ATG10: variants seen among roughly 807,000 people sequenced by gnomAD.
ATG10 encodes ubiquitin-like-conjugating enzyme ATG10.
Under a neutral mutation model 32.1 loss-of-function variants are expected in ATG10, and 30 were observed. The ratio of observed to expected loss-of-function variants is 0.94; its 90% CI spans 0.70 to 1.27. The LOEUF is 1.27. Ranked by LOEUF, ATG10 falls within the 50% of genes most tolerant of loss-of-function variation. The probability of loss-of-function intolerance (pLI) is 0.00; values close to 1 mark genes in which losing one functional copy is unlikely to be tolerated. For synonymous variants in ATG10, 87 were observed against 91.5 expected, an observed-to-expected ratio of 0.95 and a Z score of 0.28; for missense variants, 233 against 262.3, an observed-to-expected ratio of 0.89 and a Z score of 0.77.
intron 5 of ATG10, among the ~76,000 whole-genome samples, chr5:82,238,078 G>A (rs1263585721): frequency 3.3e-5 from 5 of 152,254 alleles, no homozygotes; most frequent in Non-Finnish European, 7.4e-5. Flanking sequence ...CTCAGGCCTG[G>A]GCCACCTCTG....
intron 3 of ATG10, among the ~76,000 whole-genome samples, chr5:82,161,608 C>T (rs945292771): frequency 1.3e-5 from 2 of 151,622 alleles, no homozygotes; most frequent in Admixed American, 1.3e-4. Context: ...AAATTAATGA[C>T]CCAAATCCTT....
chr5:81,980,887 A>G (rs1043680425), intron 1 of ATG10, among the ~76,000 whole-genome samples: 1 of 152,164 alleles, frequency 6.6e-6, no homozygotes, highest in Non-Finnish European at 1.5e-5. Flanking sequence ...TCTGAAGGGA[A>G]TGGGAGAGAG....
At chr5:82,117,883 A>C (rs1765872109) in intron 3 of ATG10, among the ~76,000 whole-genome samples, 1 of 152,094 alleles carries the variant, frequency 6.6e-6, no homozygotes, top group African/African-American at 2.4e-5. Context: ...CTTCAGGCCA[A>C]ATGGGGCCTT....
At chr5:82,143,368 T>C (rs1446841868) in intron 3 of ATG10, among the ~76,000 whole-genome samples, 1 of 152,008 alleles carries the variant, frequency 6.6e-6, no homozygotes, top group Non-Finnish European at 1.5e-5. Flanking sequence ...GTCGTTAGAG[T>C]CATGGGAGGA....
chr5:82,196,965 C>T (rs1029261426), intron 5 of ATG10, among the ~76,000 whole-genome samples: 17 of 152,280 alleles, frequency 1.1e-4, no homozygotes, highest in African/African-American at 4.1e-4. Context: ...TGCACTGGAG[C>T]TATACTTCAA....
chr5:82,138,494 C>T (rs1766865835), intron 3 of ATG10, among the ~76,000 whole-genome samples: 1 of 152,124 alleles, frequency 6.6e-6, no homozygotes, highest in Non-Finnish European at 1.5e-5. Context: ...TTCCCCAACC[C>T]CTTGTGCTTC....
intron 5 of ATG10, among the ~76,000 whole-genome samples, chr5:82,230,907 G>C (rs1746343237): frequency 6.6e-6 from 1 of 152,056 alleles, no homozygotes; most frequent in Non-Finnish European, 1.5e-5. Flanking sequence ...ATGTCAACAG[G>C]TAAGAGGAAT....
At chr5:82,092,654 A>G (rs1031154405) in intron 3 of ATG10, among the ~76,000 whole-genome samples, 3 of 152,174 alleles carry the variant, frequency 2.0e-5, no homozygotes, top group African/African-American at 7.2e-5. Context: ...ACTGGGTCCC[A>G]TGAGACTGAA....
chr5:82,125,500 A>G (rs1002963230), intron 3 of ATG10, among the ~76,000 whole-genome samples: 28 of 152,198 alleles, frequency 1.8e-4, no homozygotes, highest in African/African-American at 6.3e-4. Flanking sequence ...ATGGCTAGCC[A>G]GTTTTCCCAA....
In ATG10 at chr5:81,987,732, T is replaced by C. The variant is rs1181782969; in HGVS notation, c.108+54T>C. On this transcript the variant is annotated intron_variant, in intron 2 of 7. Coordinates refer to ENST00000282185, the MANE Select transcript of ATG10 (RefSeq NM_031482.5). The stretch of plus-strand genomic sequence containing the variant: ...TCAAAAGAGGATTTTTTGTTTTGTT[T>C]TGTTTTGGTTTGTTGACAGGTAAAA... 6 of 1,411,476 alleles carry C rather than the reference T, an allele frequency of 4.3e-6. No individual in the cohort carries two copies. The African/African-American group carries it at 8.6e-5, about 20-fold the overall frequency. 87.4% of individuals were successfully genotyped at this position (1,411,476 alleles called of 1,614,324 possible).
chr5:82,025,864 A>T (rs1762579583), intron 2 of ATG10, among the ~76,000 whole-genome samples: 1 of 152,182 alleles, frequency 6.6e-6, no homozygotes, highest in Non-Finnish European at 1.5e-5. Flanking sequence ...TTGATTACAC[A>T]TTTCTGATAA....
At chr5:82,075,799 G>A (rs765926858) in intron 3 of ATG10, among the ~76,000 whole-genome samples, 8 of 152,080 alleles carry the variant, frequency 5.3e-5, no homozygotes, top group Non-Finnish European at 1.2e-4. Flanking sequence ...GCCAGGTGTG[G>A]TGGTGTGCAC....
chr5:82,131,427 G>A lies in ATG10; in HGVS notation c.217-32972G>A, dbSNP rs999252287. On this transcript the variant is annotated intron_variant, in intron 3 of 7. Coordinates refer to ENST00000282185, the MANE Select transcript of ATG10 (RefSeq NM_031482.5). Reference sequence around the variant, plus strand: ...AGAGGTTGAAGTGTGACTGTTATTTGTGTGACATTAAATAAGTCCTTTATC... The same window carrying A: ...AGAGGTTGAAGTGTGACTGTTATTTATGTGACATTAAATAAGTCCTTTATC... Among the ~76,000 whole-genome samples, 4 of 152,114 alleles carry A rather than the reference G, an allele frequency of 2.6e-5. No individual in the cohort carries two copies. In the South Asian group the frequency reaches 6.2e-4, roughly 24 times the overall value.
intron 4 of ATG10, among the ~76,000 whole-genome samples, chr5:82,173,004 C>G (rs1258121201): frequency 6.6e-6 from 1 of 152,124 alleles, no homozygotes; most frequent in African/African-American, 2.4e-5. Flanking sequence ...ATTTTTATAT[C>G]TTTCAAAGCT....
At chr5:82,101,019 G>A (rs1765254702) in intron 3 of ATG10, among the ~76,000 whole-genome samples, 1 of 152,090 alleles carries the variant, frequency 6.6e-6, no homozygotes, top group Non-Finnish European at 1.5e-5. Context: ...AGATGGTGAG[G>A]AAGCTGAAAA....
At chr5:82,118,377 A>AATATATATAT (rs1554049270) in intron 3 of ATG10, among the ~76,000 whole-genome samples, 3 of 31,420 alleles carry the variant, frequency 9.5e-5, no homozygotes, top group Admixed American at 3.3e-4. Context: ...ATATACATAT[A>AATATATATAT]ATATATGTAC....
chr5:81,992,770 T>C (rs1195957727), intron 2 of ATG10, among the ~76,000 whole-genome samples: 1 of 152,166 alleles, frequency 6.6e-6, no homozygotes, highest in Non-Finnish European at 1.5e-5. Flanking sequence ...AATTTAACTT[T>C]ATAGAAAGGT....
At chr5:82,030,750 A>G (rs994738212) in intron 2 of ATG10, among the ~76,000 whole-genome samples, 3 of 152,204 alleles carry the variant, frequency 2.0e-5, no homozygotes, top group Non-Finnish European at 2.9e-5. Context: ...ACTAAATTCT[A>G]TATAATCCCT....
intron 1 of ATG10, among the ~76,000 whole-genome samples, chr5:81,980,415 T>C (rs1476961391): frequency 1.3e-5 from 2 of 152,190 alleles, no homozygotes; most frequent in Admixed American, 6.5e-5. Context: ...GAGGGGCATG[T>C]TGACTGGTCA....
Sources: allele counts gnomAD v4.1 joint callset (sites outside exome capture counted in the v4.1 genomes callset), GRCh38; gene constraint gnomAD v4.1.1; transcripts MANE v1.5; gene names NCBI Gene and HGNC (gene_info 2026-07-23, HGNC 2026-07-21).